ARHGAP32: variants seen among roughly 807,000 people sequenced by gnomAD.
The protein encoded by ARHGAP32 is Rho GTPase activating protein 32.
Under a neutral mutation model 186.5 loss-of-function variants are expected in ARHGAP32, and 51 were observed. That is an observed-to-expected ratio of 0.27 (90% confidence interval 0.22 to 0.35). The LOEUF (loss-of-function observed/expected upper bound fraction) is 0.35, where lower values mean the gene tolerates loss of function less well. ARHGAP32 is among the 10% of genes least tolerant of loss of function. The pLI is 1.00. For missense variants in ARHGAP32, 2,186 were observed against 2,623.5 expected (o/e 0.83, Z 3.64); for synonymous variants, 950 against 964.3 (o/e 0.99, Z 0.27).
Position 129,172,946 on chromosome 11 carries a change from G to C in ARHGAP32, c.117-8519C>G, listed in dbSNP as rs144943894. Among the ~76,000 whole-genome samples, 422 of 146,014 alleles carry C rather than the reference G, an allele frequency of 2.9e-3. 2 individuals are homozygous for C. The highest frequency in any genetic ancestry group is 0.017 in the East Asian group (84 of 4,988). ...AAAGCACAAGAAATAACTAAGATCA[G>C]AGAAGAAATGAAGGAGATAGAGACA... On this transcript the variant is annotated intron_variant, in intron 1 of 22. Transcript: ENST00000682385.
intron 1 of ARHGAP32, among the ~76,000 whole-genome samples, chr11:129,168,998 G>T (rs1465576758): frequency 6.6e-6 from 1 of 152,192 alleles, no homozygotes; most frequent in African/African-American, 2.4e-5. Flanking sequence ...AAATGTGTGG[G>T]ATACAACTAA....
chr11:129,082,488 T>C (rs1051630268), intron 6 of ARHGAP32, among the ~76,000 whole-genome samples: 31 of 151,862 alleles, frequency 2.0e-4, no homozygotes, highest in African/African-American at 7.2e-4. Context: ...AATAAAAACA[T>C]ACAGTGGGGA....
chr11:129,220,262 G>A (rs1944695974), intron 1 of ARHGAP32, among the ~76,000 whole-genome samples: 1 of 151,980 alleles, frequency 6.6e-6, no homozygotes, highest in African/African-American at 2.4e-5. Context: ...AGAGAATGTG[G>A]GAGGAAAAAA....
intron 1 of ARHGAP32, among the ~76,000 whole-genome samples, chr11:129,259,710 T>A (rs1300193596): frequency 6.6e-6 from 1 of 152,172 alleles, no homozygotes; most frequent in Non-Finnish European, 1.5e-5. Flanking sequence ...ACCAGCCTTG[T>A]CAATGCATAA....
In ARHGAP32 at chr11:128,974,410, T is replaced by C. The variant is rs751339803; in HGVS notation, c.2787A>G (p.Leu929=). Residue 929 remains leucine, a synonymous_variant, in exon 21 of 23, where the codon CTA becomes CTG. Transcript: ENST00000682385. The part of the protein sequence containing the change: ...MSISEPISVT[L]PPRVSEVIGT... ...CAATGACTTCTGACACCCGTGGTGG[T>C]AGGGTCACTGAAATTGGCTCAGATA... 3.3e-5 allele frequency: 54 copies of C among 1,614,040 alleles called. No homozygotes were observed. The Middle Eastern group carries it at 8.2e-4, about 25-fold the overall frequency.
intron 12 of ARHGAP32, among the ~76,000 whole-genome samples, chr11:128,996,236 T>C (rs541055232): frequency 9.2e-5 from 14 of 152,234 alleles, no homozygotes; most frequent in Non-Finnish European, 2.1e-4. Context: ...TTATTATTTA[T>C]AGCCCTGTGA....
intron 10 of ARHGAP32, among the ~76,000 whole-genome samples, chr11:129,045,984 A>C (rs1939791069): frequency 1.3e-5 from 2 of 152,246 alleles, no homozygotes; most frequent in Non-Finnish European, 2.9e-5. Context: ...TTTTCACTCA[A>C]GTCTTTGAAA....
chr11:128,973,509 C>T, intron 21 of ARHGAP32, 77 bp from the exon 22 acceptor site: 5 of 1,469,652 alleles, frequency 3.4e-6, no homozygotes, highest in Non-Finnish European at 3.7e-6. Context: ...AAACACTCCC[C>T]ATGTGATCAT....
At chr11:129,138,409 C>A (rs562955297) in intron 2 of ARHGAP32, among the ~76,000 whole-genome samples, 2 of 151,800 alleles carry the variant, frequency 1.3e-5, no homozygotes, top group Non-Finnish European at 2.9e-5. Flanking sequence ...GAGAACAGTT[C>A]ATCCATTTCA....
intron 1 of ARHGAP32, among the ~76,000 whole-genome samples, chr11:129,256,812 T>C (rs936664766): frequency 1.3e-5 from 2 of 152,164 alleles, no homozygotes; most frequent in Non-Finnish European, 2.9e-5. Context: ...GGCTTTATTT[T>C]CCTCACGAAA....
At chr11:128,987,620 G>C (rs1945913864) in intron 13 of ARHGAP32, among the ~76,000 whole-genome samples, 1 of 152,176 alleles carries the variant, frequency 6.6e-6, no homozygotes, top group African/African-American at 2.4e-5. Context: ...GAAATATGTA[G>C]AGATGCATAC....
At chr11:129,104,079 C>A (rs1331920454) in intron 5 of ARHGAP32, among the ~76,000 whole-genome samples, 1 of 151,950 alleles carries the variant, frequency 6.6e-6, no homozygotes, top group Non-Finnish European at 1.5e-5. Flanking sequence ...GTTATTCATA[C>A]CTAAACTATC....
chr11:128,985,367 A>T (rs1484380934), intron 15 of ARHGAP32, among the ~76,000 whole-genome samples: 2 of 152,162 alleles, frequency 1.3e-5, no homozygotes, highest in Non-Finnish European at 2.9e-5. Context: ...ATTTTGAAAA[A>T]AAAAATTAAA....
chr11:129,212,280 C>T (rs922635484), intron 1 of ARHGAP32, among the ~76,000 whole-genome samples: 12 of 152,078 alleles, frequency 7.9e-5, no homozygotes, highest in Admixed American at 5.2e-4. Context: ...TAATAAGAGG[C>T]TTGAATGAGT....
chr11:129,224,768 CAAAAAA>C (rs57944399), intron 1 of ARHGAP32, among the ~76,000 whole-genome samples: 23 of 104,284 alleles, frequency 2.2e-4, no homozygotes, highest in African/African-American at 3.8e-4. Flanking sequence ...TTGGCTAGAG[CAAAAAA>C]AAAAAAAAAA....
At chr11:129,126,095 A>G (rs1942653832) in intron 2 of ARHGAP32, 1 of 263,242 alleles carries the variant, frequency 3.8e-6, no homozygotes, top group Non-Finnish European at 7.6e-6. Flanking sequence ...ATACCCTATC[A>G]TACTAGAAAA....
chr11:129,057,900 C>T (rs1327929530), intron 10 of ARHGAP32, among the ~76,000 whole-genome samples: 1 of 151,898 alleles, frequency 6.6e-6, no homozygotes, highest in African/African-American at 2.4e-5. Flanking sequence ...AGAGGAAAGG[C>T]CATGTAAGGA....
At chr11:129,248,072 G>T (rs1027763011) in intron 1 of ARHGAP32, among the ~76,000 whole-genome samples, 1 of 152,064 alleles carries the variant, frequency 6.6e-6, no homozygotes, top group African/African-American at 2.4e-5. Flanking sequence ...CAGCACTTTG[G>T]GAGGCCGAGG....
At chr11:129,114,749 C>A (rs1434701494) in intron 5 of ARHGAP32, among the ~76,000 whole-genome samples, 2 of 152,054 alleles carry the variant, frequency 1.3e-5, no homozygotes, top group Non-Finnish European at 2.9e-5. Flanking sequence ...ATTTCCAAAT[C>A]CCACATTTCT....
Sources: allele counts gnomAD v4.1 joint callset (sites outside exome capture counted in the v4.1 genomes callset), GRCh38; gene constraint gnomAD v4.1.1; transcripts MANE v1.5; gene names NCBI Gene and HGNC (gene_info 2026-07-23, HGNC 2026-07-21).